The following USP20 variants were observed in gnomAD, a reference collection of about 807,000 sequenced individuals.
USP20 encodes ubiquitin carboxyl-terminal hydrolase 20.
A neutral mutation model predicts 124.2 loss-of-function variants in USP20; 80 were observed. That is an observed-to-expected ratio of 0.64 (90% CI 0.54 to 0.78). The LOEUF (loss-of-function observed/expected upper bound fraction) is 0.78, where lower values mean the gene tolerates loss of function less well. Among genes scored for constraint, USP20 ranks in the 30% least tolerant of loss-of-function variants. USP20 has a pLI of 0.00. For missense variants in USP20, 1,043 were observed against 1,244.4 expected, an observed-to-expected ratio of 0.84 and a Z score of 2.44; for synonymous variants, 481 against 512.3, an observed-to-expected ratio of 0.94 and a Z score of 0.83.
intron 1 of USP20, among the ~76,000 whole-genome samples, chr9:129,843,349 GA>G (rs1372272886): frequency 6.6e-6 from 1 of 152,058 alleles, no homozygotes; most frequent in Non-Finnish European, 1.5e-5. Context: ...AGAAACGCTT[GA>G]ACCCAGGAGG....
chr9:129,841,822 C>G (rs1013475001), intron 1 of USP20, among the ~76,000 whole-genome samples: 1 of 152,068 alleles, frequency 6.6e-6, no homozygotes, highest in African/African-American at 2.4e-5. Context: ...ACCAAGAATC[C>G]GTGCATGAGT....
rs768862837 is a variant in USP20 at position 129,868,846 on chromosome 9, C to A, written c.1136-16C>A. The A allele has an allele frequency of 2.3e-5, 36 of 1,539,018 alleles. No homozygotes were observed. Among genetic ancestry groups the A allele is most frequent in the Non-Finnish European group, 3.1e-5 (35 of 1,140,240 alleles). The stretch of plus-strand genomic sequence containing the variant: ...CTGGCTGCCCTGGCCCAGCATGGTA[C>A]CCTCTCTGCCCCCAGAGCCGGACAA... On this transcript the variant is annotated splice_polypyrimidine_tract_variant and intron_variant, in intron 11 of 25. Transcript: ENST00000372429.
intron 15 of USP20, among the ~76,000 whole-genome samples, 167 bp downstream of exon 15, chr9:129,870,714 C>T (rs1373689237): frequency 2.0e-5 from 3 of 152,372 alleles, no homozygotes; most frequent in South Asian, 2.1e-4. Flanking sequence ...CTGCCAGCCA[C>T]GCTGGACCAG....
intron 1 of USP20, among the ~76,000 whole-genome samples, chr9:129,840,701 C>T (rs762325709): frequency 2.0e-5 from 3 of 151,104 alleles, no homozygotes; most frequent in Admixed American, 6.6e-5. Context: ...AATATCCCAG[C>T]GGGAATTAAC....
At position 129,878,328 on chromosome 9, in the gene USP20, C is replaced by T. The variant is rs151333817; in HGVS notation, c.2410-10C>T. 9.5e-6 allele frequency: 15 copies of T among 1,572,796 alleles called. No homozygotes were observed. The highest frequency in any genetic ancestry group is 4.7e-5 in the East Asian group (2 of 42,844). On this transcript the variant is annotated splice_polypyrimidine_tract_variant and intron_variant, in intron 22 of 25. Coordinates refer to ENST00000372429, the MANE Select transcript of USP20 (RefSeq NM_001110303.4). ...CCCTCTGTCTCCTCCCGTCCCTGCC[C>T]GCCTGCCAGTTGAACAAGGCCTTCC...
intron 21 of USP20, among the ~76,000 whole-genome samples, 182 bp downstream of exon 21, chr9:129,875,823 C>T (rs955384231): frequency 2.0e-4 from 7 of 34,960 alleles, no homozygotes; most frequent in South Asian, 1.1e-3. Context: ...TGTGGGAATC[C>T]GCTTGGATCC....
intron 17 of USP20, 120 bp downstream of exon 17, chr9:129,873,864 A>G (rs1180534746): frequency 8.0e-6 from 10 of 1,245,466 alleles, no homozygotes; most frequent in Non-Finnish European, 1.1e-5. Flanking sequence ...GGGGCCGTGG[A>G]GACTCCATAG....
intron 23 of USP20, 80 bp downstream of exon 23, chr9:129,878,520 C>A: frequency 1.5e-6 from 2 of 1,295,892 alleles, no homozygotes; most frequent in South Asian, 1.4e-5. Flanking sequence ...AGGGCTGGCA[C>A]ACAGGGGCTC....
At chr9:129,837,491 A>G (rs906780260) in intron 1 of USP20, among the ~76,000 whole-genome samples, 1 of 152,222 alleles carries the variant, frequency 6.6e-6, no homozygotes, top group Non-Finnish European at 1.5e-5. Context: ...TCGGCATCCA[A>G]TAAATGTATT....
Position 129,875,638 on chromosome 9 carries a change from A to G in USP20, c.2297A>G (p.Asn766Ser). Residue 766 changes from asparagine to serine, a missense_variant, in exon 21 of 26, where the codon AAC (asparagine) becomes AGC (serine). Coordinates refer to ENST00000372429, the MANE Select transcript of USP20 (RefSeq NM_001110303.4). The stretch of plus-strand genomic sequence containing the variant: ...CAGAACGTCTGGGAGCACCTGTACA[A>G]CAGGTGAGAGCCTGGGAGGCCAACT... ...LPQNVWEHLYNRFGGGPAVNH... is the reference protein window; with the variant it reads ...LPQNVWEHLYSRFGGGPAVNH... The G allele has an allele frequency of 6.2e-7, 1 of 1,613,734 alleles. No individual in the cohort carries two copies. Among genetic ancestry groups the G allele is most frequent in the African/African-American group, 1.3e-5 (1 of 75,008 alleles).
At chr9:129,857,845 G>A (rs1049907100) in intron 4 of USP20, among the ~76,000 whole-genome samples, 2 of 152,200 alleles carry the variant, frequency 1.3e-5, no homozygotes, top group Non-Finnish European at 2.9e-5. Context: ...GGGCAGGGAC[G>A]CTGTTTACTG....
At chr9:129,852,421 C>T in intron 2 of USP20, 119 bp from the exon 3 acceptor site, 2 of 762,628 alleles carry the variant, frequency 2.6e-6, no homozygotes, top group Non-Finnish European at 4.3e-6. Context: ...CCCTGCGTTA[C>T]CAGCTGGTTT....
rs1464503626 is a variant in USP20 at position 129,874,952 on chromosome 9, A to G, written c.2045A>G (p.Tyr682Cys). 1.9e-6 allele frequency: 3 copies of G among 1,613,380 alleles called. No homozygotes were observed. Among genetic ancestry groups the G allele is most frequent in the Non-Finnish European group, 2.5e-6 (3 of 1,179,930 alleles). ...VQNAEGYVLF[Y>C]RKSSEEAMRE... ...AACGCCGAGGGCTACGTACTCTTCTACAGGTGGGCGCTGGGCCAGGCCTGG... is the reference window on the plus strand; with the variant it reads ...AACGCCGAGGGCTACGTACTCTTCTGCAGGTGGGCGCTGGGCCAGGCCTGG... Residue 682 changes from tyrosine to cysteine, a missense_variant, in exon 19 of 26, where the codon TAC becomes TGC. Coordinates refer to ENST00000372429, the MANE Select transcript of USP20 (RefSeq NM_001110303.4).
At chr9:129,853,271 CCT>C (rs1037490803) in intron 3 of USP20, among the ~76,000 whole-genome samples, 2 of 151,574 alleles carry the variant, frequency 1.3e-5, no homozygotes, top group African/African-American at 4.9e-5. Flanking sequence ...GGTATACGAT[CCT>C]CTCTGTTTTG....
chr9:129,867,248 G>A (rs1325414470), intron 10 of USP20, among the ~76,000 whole-genome samples: 1 of 152,180 alleles, frequency 6.6e-6, no homozygotes, highest in African/African-American at 2.4e-5. Context: ...CCCTGTGTGA[G>A]CACACAGATC....
chr9:129,860,940 T>C lies in USP20; in HGVS notation c.334T>C (p.Ser112Pro). The C allele has an allele frequency of 6.2e-7, 1 of 1,613,898 alleles. No individual in the cohort carries two copies. Among genetic ancestry groups the C allele is most frequent in the Non-Finnish European group, 8.5e-7 (1 of 1,179,826 alleles). Residue 112 changes from serine (S) to proline (P), a missense_variant, in exon 7 of 26, where the codon TCC becomes CCC. By Grantham distance (74) the Ser-to-Pro change is moderately conservative. Coordinates refer to ENST00000372429, the MANE Select transcript of USP20 (RefSeq NM_001110303.4). ...GSSSKFSEQD[S>P]PPPSHPLKAV... ...TCACTTTGGGTCTTTAACACAGGACTCCCCGCCACCCTCCCACCCTCTGAA... is the reference window on the plus strand; with the variant it reads ...TCACTTTGGGTCTTTAACACAGGACCCCCCGCCACCCTCCCACCCTCTGAA...
At chr9:129,842,279 G>A (rs980166680) in intron 1 of USP20, among the ~76,000 whole-genome samples, 5 of 152,128 alleles carry the variant, frequency 3.3e-5, no homozygotes, top group Non-Finnish European at 5.9e-5. Flanking sequence ...CATAGTGACC[G>A]TTACCTCCCG....
At chr9:129,843,930 G>T (rs2032383726) in intron 1 of USP20, among the ~76,000 whole-genome samples, 1 of 152,048 alleles carries the variant, frequency 6.6e-6, no homozygotes, top group South Asian at 2.1e-4. Context: ...AGCCAGGCTT[G>T]GTAGTGCATG....
chr9:129,843,461 C>T (rs549961750), intron 1 of USP20, among the ~76,000 whole-genome samples: 36 of 151,316 alleles, frequency 2.4e-4, no homozygotes, highest in African/African-American at 8.0e-4. Flanking sequence ...ACAGTCTGGT[C>T]GCAGTGACTC....
Sources: allele counts gnomAD v4.1 joint callset (sites outside exome capture counted in the v4.1 genomes callset), GRCh38; gene constraint gnomAD v4.1.1; transcripts MANE v1.5; gene names NCBI Gene and HGNC (gene_info 2026-07-23, HGNC 2026-07-21).